The following ATP8A2 variants were observed in gnomAD, a reference collection of about 807,000 sequenced individuals.
The protein encoded by ATP8A2 is ATPase phospholipid transporting 8A2, also known as phospholipid-transporting ATPase IB.
A neutral mutation model predicts 165.6 loss-of-function variants in ATP8A2; 100 were observed. The observed-to-expected ratio is 0.60, with a 90% CI of 0.51 to 0.71. The LOEUF is 0.71. ATP8A2 is among the 30% of genes least tolerant of loss of function. The pLI is 0.00. For missense variants in ATP8A2, 1,227 were observed against 1,479.5 expected, an observed-to-expected ratio of 0.83 and a Z score of 2.80; for synonymous variants, 543 against 548.8, an observed-to-expected ratio of 0.99 and a Z score of 0.15.
chr13:25,701,239 G>A (rs1234508195), intron 25 of ATP8A2, among the ~76,000 whole-genome samples: 1 of 152,164 alleles, frequency 6.6e-6, no homozygotes, highest in African/African-American at 2.4e-5. Context: ...TAGCTAATGA[G>A]CTCTCTTTTT....
At chr13:25,448,578 T>C (rs928048562) in intron 1 of ATP8A2, among the ~76,000 whole-genome samples, 7 of 152,226 alleles carry the variant, frequency 4.6e-5, no homozygotes, top group Non-Finnish European at 1.0e-4. Context: ...TTATTACATA[T>C]TCTTTTGTAG....
At chr13:25,903,743 C>T (rs909085950) in intron 33 of ATP8A2, among the ~76,000 whole-genome samples, 1 of 152,106 alleles carries the variant, frequency 6.6e-6, no homozygotes, top group Non-Finnish European at 1.5e-5. Context: ...CTGCCCTCCT[C>T]AGTGGACCGA....
chr13:25,928,529 G>A (rs1413530593), intron 33 of ATP8A2, among the ~76,000 whole-genome samples: 2 of 152,114 alleles, frequency 1.3e-5, no homozygotes, highest in Non-Finnish European at 1.5e-5. Context: ...ACGCAAATTC[G>A]AAAGCCAACC....
At chr13:25,477,723 G>A (rs1473622911) in intron 2 of ATP8A2, among the ~76,000 whole-genome samples, 2 of 152,158 alleles carry the variant, frequency 1.3e-5, no homozygotes, top group African/African-American at 4.8e-5. Context: ...GATCACCTGA[G>A]GTCAGGAGTT....
intron 27 of ATP8A2, among the ~76,000 whole-genome samples, chr13:25,787,034 TG>T (rs2045047073): frequency 1.3e-5 from 2 of 152,194 alleles, no homozygotes; most frequent in Non-Finnish European, 2.9e-5. Flanking sequence ...CCACCTGCCT[TG>T]GCCTCCCAAA....
chr13:25,574,319 T>G (rs2138197560), intron 18 of ATP8A2, among the ~76,000 whole-genome samples: 1 of 152,318 alleles, frequency 6.6e-6, no homozygotes, highest in East Asian at 1.9e-4. Flanking sequence ...GAAGAGTTAT[T>G]TGGCAGCAAA....
intron 2 of ATP8A2, among the ~76,000 whole-genome samples, chr13:25,504,742 G>A (rs1264902908): frequency 2.8e-5 from 2 of 71,822 alleles, no homozygotes; most frequent in Admixed American, 1.6e-4. Context: ...GCGAGACTCC[G>A]TCTCAAAAAA....
intron 24 of ATP8A2, among the ~76,000 whole-genome samples, chr13:25,696,675 A>G (rs1344261527): frequency 1.3e-5 from 2 of 152,208 alleles, no homozygotes; most frequent in Non-Finnish European, 2.9e-5. Flanking sequence ...AATTGAAAAG[A>G]GTTAGGGTCT....
intron 2 of ATP8A2, among the ~76,000 whole-genome samples, chr13:25,529,530 G>A (rs75404896): frequency 1.5e-4 from 23 of 152,146 alleles, no homozygotes; most frequent in African/African-American, 5.3e-4. Flanking sequence ...GAGACAGGTA[G>A]GGTGTAAGGG....
chr13:25,432,782 T>G (rs141946437), intron 1 of ATP8A2, among the ~76,000 whole-genome samples: 353 of 152,340 alleles, frequency 2.3e-3, no homozygotes, highest in Admixed American at 5.0e-3. Flanking sequence ...TCCTGGATGT[T>G]TACATGTTCT....
intron 30 of ATP8A2, among the ~76,000 whole-genome samples, chr13:25,845,384 T>C (rs1412178059): frequency 4.6e-5 from 7 of 152,194 alleles, no homozygotes. Flanking sequence ...CAGATTTTTC[T>C]TGATGAAATT....
chr13:25,985,346 C>T (rs1400083673), intron 35 of ATP8A2, among the ~76,000 whole-genome samples: 1 of 152,212 alleles, frequency 6.6e-6, no homozygotes, highest in Non-Finnish European at 1.5e-5. Flanking sequence ...TCTTCATATC[C>T]TTTCAGTTCA....
chr13:25,927,214 C>G, intron 33 of ATP8A2: 1 of 456,730 alleles, frequency 2.2e-6, no homozygotes, highest in Non-Finnish European at 4.4e-6. Context: ...CACTCCTCCT[C>G]GGCTGCTCCA....
chr13:25,946,671 A>G (rs1955222277), intron 33 of ATP8A2, among the ~76,000 whole-genome samples: 1 of 152,218 alleles, frequency 6.6e-6, no homozygotes, highest in Non-Finnish European at 1.5e-5. Context: ...CATCTCAAAA[A>G]TGATATTTAC....
At chr13:25,925,603 T>C (rs1456578637) in intron 33 of ATP8A2, among the ~76,000 whole-genome samples, 1 of 151,424 alleles carries the variant, frequency 6.6e-6, no homozygotes, top group Non-Finnish European at 1.5e-5. Flanking sequence ...TTGCTGAGAA[T>C]GTAATGAAAT....
chr13:25,893,016 GAGA>G (rs1953425407), intron 33 of ATP8A2, among the ~76,000 whole-genome samples: 1 of 151,896 alleles, frequency 6.6e-6, no homozygotes, highest in African/African-American at 2.4e-5. Context: ...CGTAAGTCCA[GAGA>G]AGATTTTTTT....
At position 25,581,940 on chromosome 13, in the gene ATP8A2, A is replaced by G. The variant is rs1318847271; in HGVS notation, c.2129A>G (p.Glu710Gly). Residue 710 changes from glutamate (E) to glycine (G), a missense_variant, in exon 23 of 37, where the codon GAA becomes GGA. Glu to Gly is a moderately conservative substitution (Grantham distance 98, BLOSUM62 -2). Around this residue, in one of 5 missense-constraint regions of ATP8A2, gnomAD observed 592 missense variants for 785.6 expected, o/e 0.75. Coordinates refer to ENST00000381655, the MANE Select transcript of ATP8A2 (RefSeq NM_016529.6). ...KIWVLTGDKQ[E>G]TAINIGYSCR... ...TGGGTGTTGACAGGAGACAAACAAG[A>G]AACTGCGATTAATATAGGTAATTAT... The G allele has an allele frequency of 1.2e-6, 2 of 1,610,972 alleles. No homozygotes were observed. Among genetic ancestry groups the G allele is most frequent in the Non-Finnish European group, 1.7e-6 (2 of 1,179,084 alleles).
intron 1 of ATP8A2, among the ~76,000 whole-genome samples, chr13:25,416,427 C>T (rs982644015): frequency 6.6e-6 from 1 of 152,124 alleles, no homozygotes; most frequent in Non-Finnish European, 1.5e-5. Context: ...CCCCTGCTCC[C>T]ACCCCACCCC....
chr13:26,002,846 C>T (rs1180138851), intron 35 of ATP8A2, among the ~76,000 whole-genome samples: 2 of 105,194 alleles, frequency 1.9e-5, no homozygotes, highest in Non-Finnish European at 4.2e-5. Flanking sequence ...AATAGTATTC[C>T]ACTGTGTGTG....
Sources: gnomAD v4.1 joint callset for allele counts (sites outside exome capture counted in the v4.1 genomes callset) on GRCh38, gnomAD v4.1.1 for gene constraint, gnomAD v4.1.1 regional missense constraint, MANE v1.5 for transcripts, NCBI Gene and HGNC (gene_info 2026-07-23, HGNC 2026-07-21) for gene names.